Variants in PRKAA2 observed in about 807,000 individuals in gnomAD.
The protein encoded by PRKAA2 is protein kinase AMP-activated catalytic subunit alpha 2, also known as 5'-AMP-activated protein kinase catalytic subunit alpha-2.
PRKAA2 carries 40 observed loss-of-function variants against 56.3 expected under a neutral mutation model. That is an observed-to-expected ratio of 0.71 (90% CI 0.55 to 0.92). PRKAA2 has a LOEUF of 0.92. PRKAA2 is among the 40% of genes least tolerant of loss of function. The probability of loss-of-function intolerance (pLI) is 0.00; values close to 1 mark genes in which losing one functional copy is unlikely to be tolerated. For synonymous variants in PRKAA2, 214 were observed against 234.2 expected, an observed-to-expected ratio of 0.91 and a Z score of 0.79; for missense variants, 542 against 686.9, an observed-to-expected ratio of 0.79 and a Z score of 2.36.
At chr1:56,655,268 C>CA (rs1553146925) in intron 1 of PRKAA2, among the ~76,000 whole-genome samples, 6,722 of 104,076 alleles carry the variant, frequency 0.065, 168 homozygotes, top group African/African-American at 0.11. Context: ...ATTTATATAT[C>CA]TATATATATA....
In PRKAA2 at chr1:56,680,131, G is replaced by T. The variant is rs568932827; in HGVS notation, c.236+5609G>T. 1.4e-4 allele frequency among the ~76,000 whole-genome samples: 21 copies of T among 152,176 alleles called. No homozygotes were observed. The East Asian group carries it at 3.9e-3, about 28-fold the overall frequency. ...TAAACGTGGATTTTTGATGCACAGG[G>T]GTTGACACCCTAACCCCCACATTGT... On this transcript the variant is annotated intron_variant, in intron 2 of 8. Transcript: ENST00000371244.
At chr1:56,695,340 A>AT (rs1230694900) in intron 5 of PRKAA2, among the ~76,000 whole-genome samples, 1 of 151,738 alleles carries the variant, frequency 6.6e-6, no homozygotes. Flanking sequence ...TAAGATGTGC[A>AT]CCACCATCCC....
At chr1:56,650,912 A>C in intron 1 of PRKAA2, among the ~76,000 whole-genome samples, 1 of 152,230 alleles carries the variant, frequency 6.6e-6, no homozygotes, top group East Asian at 1.9e-4. Flanking sequence ...AAACAAACAA[A>C]AAGTGTTACC....
Position 56,708,061 on chromosome 1 carries a change from C to T in PRKAA2, c.*348C>T, listed in dbSNP as rs947666856. The T allele has an allele frequency of 1.0e-4, 27 of 260,416 alleles. No homozygotes were observed. The highest frequency in any genetic ancestry group is 5.4e-4 in the African/African-American group (24 of 44,436). 16.1% of individuals were successfully genotyped at this position (260,416 alleles called of 1,614,324 possible). ...AGGGTGGTTTGGCAACACCTCCTTGCTTTGCTGTTTGGTGTAGGTAAATCT... is the reference window on the plus strand; with the variant it reads ...AGGGTGGTTTGGCAACACCTCCTTGTTTTGCTGTTTGGTGTAGGTAAATCT... On this transcript the variant is annotated 3_prime_UTR_variant, in exon 9 of 9. Coordinates refer to ENST00000371244, the MANE Select transcript of PRKAA2 (RefSeq NM_006252.4).
intron 6 of PRKAA2, among the ~76,000 whole-genome samples, chr1:56,697,302 G>A (rs550498163): frequency 6.6e-6 from 1 of 152,198 alleles, no homozygotes; most frequent in South Asian, 2.1e-4. Flanking sequence ...GGGATTACAA[G>A]TGTGAGTCGT....
chr1:56,678,979 C>T (rs1362522556), intron 2 of PRKAA2, among the ~76,000 whole-genome samples: 1 of 152,224 alleles, frequency 6.6e-6, no homozygotes, highest in African/African-American at 2.4e-5. Flanking sequence ...CGGGCGTGAG[C>T]CACCATGCCC....
Position 56,707,673 on chromosome 1 carries a change from T to C in PRKAA2, c.1619T>C (p.Phe540Ser). 1 of 1,612,518 alleles carries C rather than the reference T, an allele frequency of 6.2e-7. No homozygotes were observed. Among genetic ancestry groups the C allele is most frequent in the Non-Finnish European group, 8.5e-7 (1 of 1,178,532 alleles). Residue 540 changes from phenylalanine (F) to serine (S), a missense_variant, in exon 9 of 9, where the codon TTT (phenylalanine) becomes TCT (serine). By Grantham distance (155) the Phe-to-Ser change is radical. Around this residue, in one of 5 missense-constraint regions of PRKAA2, gnomAD observed 158 missense variants for 166.1 expected, o/e 0.95. Coordinates refer to ENST00000371244, the MANE Select transcript of PRKAA2 (RefSeq NM_006252.4). ...CTGGGCAGTCACACCATGGATTTTT[T>C]TGAAATGTGTGCCAGTCTGATTACT... is the stretch of plus-strand genomic sequence containing the variant. ...PRLGSHTMDF[F>S]EMCASLITTL...
intron 7 of PRKAA2, among the ~76,000 whole-genome samples, chr1:56,705,816 A>G (rs765922800): frequency 1.3e-5 from 2 of 152,298 alleles, no homozygotes; most frequent in African/African-American, 2.4e-5. Flanking sequence ...GCTGGACCCT[A>G]TGTAATCTCT....
intron 1 of PRKAA2, among the ~76,000 whole-genome samples, chr1:56,665,092 T>C (rs1226430356): frequency 4.6e-5 from 7 of 151,590 alleles, no homozygotes; most frequent in Non-Finnish European, 7.4e-5. Flanking sequence ...TTTTTTTTTT[T>C]TGAGACAGCG....
rs542239806 is a variant in PRKAA2, at chr1:56,714,285, C to G, written c.*6572C>G. Reference sequence around the variant, plus strand: ...TGGCTGCTGAAGCAGCAGCAAGTCACGTAACCTCATTTAGTTTTTTGATTT... The same window carrying G: ...TGGCTGCTGAAGCAGCAGCAAGTCAGGTAACCTCATTTAGTTTTTTGATTT... On this transcript the variant is annotated 3_prime_UTR_variant, in exon 9 of 9. Coordinates refer to ENST00000371244, the MANE Select transcript of PRKAA2 (RefSeq NM_006252.4). 3.9e-5 allele frequency: 6 copies of G among 152,240 alleles called. No individual in the cohort carries two copies. Among genetic ancestry groups the G allele is most frequent in the African/African-American group, 1.2e-4 (5 of 41,556 alleles). 9.4% of individuals were successfully genotyped at this position (152,240 alleles called of 1,614,324 possible). A position where few individuals can be genotyped will look rare whatever the true frequency, so the allele number is the denominator to read the frequency against.
intron 2 of PRKAA2, among the ~76,000 whole-genome samples, chr1:56,681,251 T>C (rs1306078312): frequency 6.6e-6 from 1 of 152,254 alleles, no homozygotes; most frequent in Non-Finnish European, 1.5e-5. Context: ...AGATTCTGGA[T>C]ATTAGCCCTT....
At position 56,653,875 on chromosome 1, in the gene PRKAA2, A is replaced by G. The variant is rs143783422; in HGVS notation, c.94+8394A>G. On this transcript the variant is annotated intron_variant, in intron 1 of 8. Transcript: ENST00000371244. Reference sequence around the variant, plus strand: ...ATCACTTGGAAGGCACAAACACATTATATATATTTTGTATACATACATATA... The same window carrying G: ...ATCACTTGGAAGGCACAAACACATTGTATATATTTTGTATACATACATATA... 4.2e-3 allele frequency among the ~76,000 whole-genome samples: 643 copies of G among 152,118 alleles called. 9 individuals are homozygous for G. The highest frequency in any genetic ancestry group is 0.015 in the African/African-American group (613 of 41,504).
chr1:56,697,117 G>A (rs1644263833), intron 6 of PRKAA2, among the ~76,000 whole-genome samples: 1 of 144,942 alleles, frequency 6.9e-6, no homozygotes, highest in Admixed American at 7.3e-5. Context: ...AAGCTGAGGT[G>A]TTCCTCCCAC....
intron 1 of PRKAA2, among the ~76,000 whole-genome samples, chr1:56,649,039 A>C (rs960406833): frequency 6.6e-6 from 1 of 152,244 alleles, no homozygotes; most frequent in African/African-American, 2.4e-5. Flanking sequence ...TGAAGTATAA[A>C]AGTTTTGAAT....
At chr1:56,664,484 A>G (rs976923680) in intron 1 of PRKAA2, among the ~76,000 whole-genome samples, 1 of 152,004 alleles carries the variant, frequency 6.6e-6, no homozygotes, top group African/African-American at 2.4e-5. Context: ...TTTCTGGTCT[A>G]ATATTTACTT....
rs1308820577 is a variant in PRKAA2, at chr1:56,710,419, G to A, written c.*2706G>A. 1 of 151,996 alleles carries A rather than the reference G, an allele frequency of 6.6e-6. No individual in the cohort carries two copies. The highest frequency in any genetic ancestry group is 1.9e-4 in the East Asian group (1 of 5,182). The allele number at this position is 151,996 out of a possible 1,614,324, so 9.4% of individuals were successfully genotyped here. A position where few individuals can be genotyped will look rare whatever the true frequency, so the allele number is the denominator to read the frequency against. On this transcript the variant is annotated 3_prime_UTR_variant, in exon 9 of 9. Coordinates refer to ENST00000371244, the MANE Select transcript of PRKAA2 (RefSeq NM_006252.4). ...CAGGTCTTTCTGTGAAAAAAAGAAA[G>A]CCACATAACTTTGTTGAACTTTGCC...
chr1:56,711,399 A>G lies in PRKAA2; in HGVS notation c.*3686A>G, dbSNP rs1236460218. 6.6e-6 allele frequency: 1 copy of G among 152,138 alleles called. No homozygotes were observed. Among genetic ancestry groups the G allele is most frequent in the Admixed American group, 6.5e-5 (1 of 15,274 alleles). The allele number at this position is 152,138 out of a possible 1,614,324, so 9.4% of individuals were successfully genotyped here. ...TGTACTGAGTTAATGTAGGCACCTC[A>G]CTTTGGATTTATAAAATGTAAAAAC... On this transcript the variant is annotated 3_prime_UTR_variant, in exon 9 of 9. Coordinates refer to ENST00000371244, the MANE Select transcript of PRKAA2 (RefSeq NM_006252.4).
At position 56,657,624 on chromosome 1, in the gene PRKAA2, C is replaced by T. The variant is rs566701250; in HGVS notation, c.94+12143C>T. Among the ~76,000 whole-genome samples, 298 of 152,052 alleles carry T rather than the reference C, an allele frequency of 2.0e-3. 2 individuals carry two copies. The highest frequency in any genetic ancestry group is 3.5e-3 in the Admixed American group (54 of 15,250). On this transcript the variant is annotated intron_variant, in intron 1 of 8. Coordinates refer to ENST00000371244, the MANE Select transcript of PRKAA2 (RefSeq NM_006252.4). ...CGGGGAGGCAGAGGTTGCAGTGAGC[C>T]GAGATCGTGCCACTGCACTCCAGCC... is the stretch of plus-strand genomic sequence containing the variant.
chr1:56,676,978 C>G (rs1426370227), intron 2 of PRKAA2, among the ~76,000 whole-genome samples: 1 of 152,160 alleles, frequency 6.6e-6, no homozygotes, highest in Admixed American at 6.5e-5. Context: ...CCTGAAATTG[C>G]ATGGCAGTAC....
Sources: allele counts gnomAD v4.1 joint callset (sites outside exome capture counted in the v4.1 genomes callset), GRCh38; gene constraint gnomAD v4.1.1; regional missense constraint gnomAD v4.1.1; transcripts MANE v1.5; gene names NCBI Gene and HGNC (gene_info 2026-07-23, HGNC 2026-07-21).